CSMD1: variants seen among roughly 807,000 people sequenced by gnomAD.
The protein encoded by CSMD1 is CUB and Sushi multiple domains 1, also known as CUB and sushi domain-containing protein 1.
A neutral mutation model predicts 417.5 loss-of-function variants in CSMD1; 213 were observed. The observed-to-expected ratio is 0.51, with a 90% CI of 0.46 to 0.57. CSMD1 has a LOEUF of 0.57. Among genes scored for constraint, CSMD1 ranks in the 20% least tolerant of loss-of-function variants. CSMD1 has a pLI of 0.00. For synonymous variants in CSMD1, 2,862 were observed against 1,736.8 expected, an observed-to-expected ratio of 1.65 and a Z score of -16.11; for missense variants, 6,923 against 4,529.7, an observed-to-expected ratio of 1.53 and a Z score of -15.17.
chr8:3,146,774 CAT>C (rs751485118), intron 40 of CSMD1, among the ~76,000 whole-genome samples: 10 of 152,176 alleles, frequency 6.6e-5, no homozygotes, highest in Non-Finnish European at 1.5e-4. Flanking sequence ...ATGATTTCCA[CAT>C]GATGCCAAAC....
chr8:4,350,062 A>C (rs888515343), intron 3 of CSMD1, among the ~76,000 whole-genome samples: 1 of 152,182 alleles, frequency 6.6e-6, no homozygotes, highest in African/African-American at 2.4e-5. Context: ...ATTTCAAATA[A>C]GAATCTCTCA....
intron 9 of CSMD1, among the ~76,000 whole-genome samples, chr8:3,581,168 G>T (rs560163183): frequency 2.6e-5 from 4 of 152,062 alleles, no homozygotes; most frequent in African/African-American, 9.7e-5. Context: ...TGAAGTACCA[G>T]CCTGAACATT....
intron 49 of CSMD1, among the ~76,000 whole-genome samples, chr8:3,058,184 T>C (rs1179362756): frequency 6.6e-6 from 1 of 152,238 alleles, no homozygotes; most frequent in African/African-American, 2.4e-5. Context: ...ATTTAGCAAA[T>C]ATTTATTTAA....
intron 3 of CSMD1, among the ~76,000 whole-genome samples, chr8:4,096,080 A>G (rs1015188023): frequency 1.1e-4 from 17 of 152,080 alleles, no homozygotes; most frequent in Non-Finnish European, 1.3e-4. Flanking sequence ...GTTTTATGTT[A>G]TATGTTATCA....
At chr8:4,767,832 A>C (rs536794704) in intron 1 of CSMD1, among the ~76,000 whole-genome samples, 57 of 152,290 alleles carry the variant, frequency 3.7e-4, no homozygotes, top group African/African-American at 1.3e-3. Context: ...GGAGCACCCA[A>C]CTGCCCAGGA....
intron 1 of CSMD1, among the ~76,000 whole-genome samples, chr8:4,650,917 T>C (rs1423000669): frequency 6.6e-6 from 1 of 152,200 alleles, no homozygotes; most frequent in African/African-American, 2.4e-5. Context: ...ATACTATTCT[T>C]ATTTGCCTTG....
intron 2 of CSMD1, among the ~76,000 whole-genome samples, chr8:4,503,355 C>A (rs1802356526): frequency 6.6e-6 from 1 of 152,102 alleles, no homozygotes; most frequent in South Asian, 2.1e-4. Context: ...ATTTTTTATG[C>A]CTACCATCAT....
intron 3 of CSMD1, among the ~76,000 whole-genome samples, chr8:4,371,252 A>T (rs1802377970): frequency 6.6e-6 from 1 of 152,146 alleles, no homozygotes; most frequent in African/African-American, 2.4e-5. Context: ...CCAGGTCAGC[A>T]GTTTGGCTTC....
intron 23 of CSMD1, among the ~76,000 whole-genome samples, chr8:3,316,544 T>A (rs368501293): frequency 6.7e-6 from 1 of 149,992 alleles, no homozygotes; most frequent in East Asian, 1.9e-4. Context: ...GGGAGAGGGT[T>A]TGAGCAGGTC....
intron 5 of CSMD1, among the ~76,000 whole-genome samples, chr8:3,788,142 A>G (rs1361500704): frequency 2.0e-5 from 3 of 152,226 alleles, no homozygotes; most frequent in Admixed American, 2.0e-4. Flanking sequence ...CAGGACTTGG[A>G]GATGAAATCA....
intron 3 of CSMD1, among the ~76,000 whole-genome samples, chr8:4,171,833 TA>T (rs1432044197): frequency 6.6e-6 from 1 of 152,186 alleles, no homozygotes; most frequent in East Asian, 1.9e-4. Context: ...CCCAGTTTAA[TA>T]AAAAATGCCC....
intron 3 of CSMD1, among the ~76,000 whole-genome samples, chr8:4,066,729 T>A (rs543317312): frequency 1.3e-5 from 2 of 151,942 alleles, no homozygotes; most frequent in Non-Finnish European, 2.9e-5. Context: ...GGGACGAGAG[T>A]GAAGACTGAG....
intron 3 of CSMD1, among the ~76,000 whole-genome samples, chr8:4,074,439 A>C (rs1159830419): frequency 2.0e-5 from 3 of 152,114 alleles, no homozygotes; most frequent in Non-Finnish European, 4.4e-5. Flanking sequence ...ATGATTATTT[A>C]CTTTCAGAGA....
rs1478774281 is a variant in CSMD1 at position 3,839,018 on chromosome 8, G to T, written c.819-84976C>A. 6.3e-4 allele frequency among the ~76,000 whole-genome samples: 78 copies of T among 123,924 alleles called. 1 individual carries two copies. Among genetic ancestry groups the T allele is most frequent in the African/African-American group, 1.9e-3 (63 of 33,248 alleles). 81.3% of individuals were successfully genotyped at this position (123,924 alleles called of 152,430 possible). On this transcript the variant is annotated intron_variant, in intron 5 of 69. Coordinates refer to ENST00000635120, the MANE Select transcript of CSMD1 (RefSeq NM_033225.6). The stretch of plus-strand genomic sequence containing the variant: ...TAATTATAATATTATATATTTATAT[G>T]TTGATATTATATATATTTATTATAT...
intron 3 of CSMD1, among the ~76,000 whole-genome samples, chr8:4,263,911 G>C (rs780834856): frequency 4.6e-5 from 7 of 152,118 alleles, no homozygotes; most frequent in Non-Finnish European, 1.0e-4. Flanking sequence ...TAGTCCTGCA[G>C]TTTTCTAAAT....
At chr8:3,449,966 G>A (rs940113694) in intron 12 of CSMD1, among the ~76,000 whole-genome samples, 1 of 152,184 alleles carries the variant, frequency 6.6e-6, no homozygotes, top group African/African-American at 2.4e-5. Flanking sequence ...CCATAATCAA[G>A]CGTTTTAAAG....
intron 51 of CSMD1, among the ~76,000 whole-genome samples, chr8:3,020,936 A>C (rs1476744792): frequency 6.6e-6 from 1 of 152,260 alleles, no homozygotes; most frequent in Non-Finnish European, 1.5e-5. Context: ...AGTAGGATTT[A>C]GATTTTTACA....
chr8:4,745,820 G>A (rs541670931), intron 1 of CSMD1, among the ~76,000 whole-genome samples: 2 of 152,082 alleles, frequency 1.3e-5, no homozygotes, highest in Admixed American at 1.3e-4. Context: ...GTACAAATGA[G>A]GGGTGAAGAA....
Position 3,219,358 on chromosome 8 carries a change from G to C in CSMD1, c.4569C>G (p.Gly1523=), listed in dbSNP as rs775580199. 2 of 1,573,024 alleles carry C rather than the reference G, an allele frequency of 1.3e-6. No homozygotes were observed. The highest frequency in any genetic ancestry group is 2.3e-5 in the East Asian group (1 of 43,196). The change falls in exon 29 of 70, where the codon GGC becomes GGG. Residue 1523 remains glycine (G), a synonymous_variant. Coordinates refer to ENST00000635120, the MANE Select transcript of CSMD1 (RefSeq NM_033225.6). ...SNSPLIGSYQ[G]SQAPERIESS... ...TCTCTATTCTTTCTGGGGCCTGAGA[G>C]CCCTGGTAACTCCCAATGAGGGGGC...
Sources: allele counts gnomAD v4.1 joint callset (sites outside exome capture counted in the v4.1 genomes callset), GRCh38; gene constraint gnomAD v4.1.1; transcripts MANE v1.5; gene names NCBI Gene and HGNC (gene_info 2026-07-23, HGNC 2026-07-21).